The following COL19A1 variants were observed in gnomAD, a reference collection of about 807,000 sequenced individuals.
COL19A1 encodes collagen type XIX alpha 1 chain.
In COL19A1, 159 loss-of-function variants were observed where a neutral mutation model predicts 190.2. The ratio of observed to expected loss-of-function variants is 0.84; its 90% CI spans 0.73 to 0.95. COL19A1 has a LOEUF of 0.95. Ranked by LOEUF, COL19A1 falls within the 40% of genes least tolerant of loss-of-function variation. The pLI, the probability that COL19A1 is intolerant of heterozygous loss-of-function variation, is 0.00. For synonymous variants in COL19A1, 509 were observed against 458.9 expected (o/e 1.11, Z -1.39); for missense variants, 1,418 against 1,431.9 (o/e 0.99, Z 0.16).
At chr6:69,935,783 T>C in intron 7 of COL19A1, among the ~76,000 whole-genome samples, 1 of 152,052 alleles carries the variant, frequency 6.6e-6, no homozygotes, top group East Asian at 1.9e-4. Flanking sequence ...GTTTGTTACA[T>C]AGGTAAACGT....
intron 11 of COL19A1, among the ~76,000 whole-genome samples, chr6:69,987,492 A>C (rs1351704602): frequency 6.6e-6 from 1 of 152,210 alleles, no homozygotes; most frequent in East Asian, 1.9e-4. Context: ...TTTGAAACAA[A>C]TCTCACACTA....
chr6:70,035,410 C>T (rs557547491), intron 13 of COL19A1, among the ~76,000 whole-genome samples: 1 of 152,304 alleles, frequency 6.6e-6, no homozygotes, highest in South Asian at 2.1e-4. Context: ...AAGCCTCTTA[C>T]AGTTGATGGC....
chr6:70,034,752 T>C (rs1779258674), intron 13 of COL19A1, among the ~76,000 whole-genome samples: 1 of 152,222 alleles, frequency 6.6e-6, no homozygotes, highest in Non-Finnish European at 1.5e-5. Context: ...TTGGCAATGA[T>C]CTTGAAAAGG....
chr6:70,132,224 C>A (rs1785569470), intron 18 of COL19A1, among the ~76,000 whole-genome samples: 1 of 152,024 alleles, frequency 6.6e-6, no homozygotes, highest in African/African-American at 2.4e-5. Flanking sequence ...ATAGTGATAC[C>A]CCATCCCTAC....
At chr6:69,936,995 G>A (rs1236600101) in intron 8 of COL19A1, 85 bp downstream of exon 8, 3 of 1,532,088 alleles carry the variant, frequency 2.0e-6, no homozygotes, top group African/African-American at 1.4e-5. Flanking sequence ...TTCACAGAAT[G>A]TGTCTTGCCA....
chr6:69,946,688 C>G (rs1244269365), intron 9 of COL19A1, among the ~76,000 whole-genome samples: 1 of 151,800 alleles, frequency 6.6e-6, no homozygotes, highest in Non-Finnish European at 1.5e-5. Context: ...AAGTAATCTC[C>G]TAATAAGCAT....
chr6:70,194,223 C>A (rs1251040400), intron 48 of COL19A1, among the ~76,000 whole-genome samples: 1 of 152,194 alleles, frequency 6.6e-6, no homozygotes. Flanking sequence ...TTTATCATCC[C>A]AAGTGTCCAG....
At position 70,023,591 on chromosome 6, in the gene COL19A1, A is replaced by G. The variant is rs376070962; in HGVS notation, c.1027-36A>G. On this transcript the variant is annotated intron_variant, in intron 11 of 50. Transcript: ENST00000620364. ...TTTTTGCTAGCAAAGGTTTTCAGATATAAGATTTTTCATTGTATAAATTGT... is the reference window on the plus strand; with the variant it reads ...TTTTTGCTAGCAAAGGTTTTCAGATGTAAGATTTTTCATTGTATAAATTGT... 13 of 1,558,490 alleles carry G rather than the reference A, an allele frequency of 8.3e-6. No individual in the cohort carries two copies. In the African/African-American group the frequency reaches 9.8e-5, roughly 12 times the overall value.
At chr6:69,899,133 C>A in intron 3 of COL19A1, 111 bp downstream of exon 3, 6 of 650,898 alleles carry the variant, frequency 9.2e-6, no homozygotes, top group South Asian at 2.2e-5. Flanking sequence ...AAGATCATAG[C>A]ATTAACGTGA....
intron 48 of COL19A1, among the ~76,000 whole-genome samples, chr6:70,194,432 G>A (rs1375447317): frequency 2.0e-5 from 3 of 152,162 alleles, no homozygotes; most frequent in African/African-American, 4.8e-5. Context: ...CCTAACTGTG[G>A]TGGAAAGAGG....
At chr6:69,923,238 C>T (rs1772116107) in intron 4 of COL19A1, among the ~76,000 whole-genome samples, 1 of 152,130 alleles carries the variant, frequency 6.6e-6, no homozygotes, top group Admixed American at 6.6e-5. Flanking sequence ...CTTTGAATCT[C>T]AGTAAGACTA....
Position 69,911,178 on chromosome 6 carries a change from A to G in COL19A1, c.266+10840A>G, listed in dbSNP as rs116476854. On this transcript the variant is annotated intron_variant, in intron 4 of 50. Transcript: ENST00000620364. Reference sequence around the variant, plus strand: ...ATTTCAATAATAAACTTTGAAATCTATGTCAACCAAGGAAGAATAATTGTG... The same window carrying G: ...ATTTCAATAATAAACTTTGAAATCTGTGTCAACCAAGGAAGAATAATTGTG... Among the ~76,000 whole-genome samples the G allele has an allele frequency of 2.5e-3, 382 of 152,352 alleles. 1 individual carries two copies. The highest frequency in any genetic ancestry group is 8.7e-3 in the African/African-American group (361 of 41,590).
At chr6:69,948,845 T>C (rs1430089259) in intron 9 of COL19A1, among the ~76,000 whole-genome samples, 1 of 151,824 alleles carries the variant, frequency 6.6e-6, no homozygotes, top group African/African-American at 2.4e-5. Context: ...AGGAAAATAC[T>C]GATAATCTAG....
chr6:69,943,918 A>G (rs1773626854), intron 9 of COL19A1, among the ~76,000 whole-genome samples: 3 of 152,138 alleles, frequency 2.0e-5, no homozygotes, highest in Admixed American at 6.6e-5. Context: ...CCTGAGCCAA[A>G]ACCCACTAAT....
At chr6:70,190,592 T>C (rs563656770) in intron 48 of COL19A1, among the ~76,000 whole-genome samples, 1 of 152,374 alleles carries the variant, frequency 6.6e-6, no homozygotes, top group Admixed American at 6.5e-5. Flanking sequence ...TCATTATACC[T>C]GGTCTGTAAA....
chr6:69,971,552 T>G (rs1203309621), intron 11 of COL19A1, among the ~76,000 whole-genome samples: 1 of 152,146 alleles, frequency 6.6e-6, no homozygotes, highest in Non-Finnish European at 1.5e-5. Context: ...ATAAGGTCCT[T>G]GGCAGGAAAT....
Position 70,003,695 on chromosome 6 carries a change from C to T in COL19A1, c.1027-19932C>T, listed in dbSNP as rs956809216. ...CTGTTTTGTCAGACTAGGATTGCAA[C>T]CCTTTCTTTTTGTTGCTTGCCATTT... On this transcript the variant is annotated intron_variant, in intron 11 of 50. Transcript: ENST00000620364. 8.3e-4 allele frequency among the ~76,000 whole-genome samples: 126 copies of T among 151,990 alleles called. 2 individuals are homozygous for T. Among genetic ancestry groups the T allele is most frequent in the Non-Finnish European group, 1.9e-4 (13 of 67,986 alleles).
chr6:70,167,846 T>C (rs1440943652), intron 37 of COL19A1, among the ~76,000 whole-genome samples, 179 bp from the exon 38 acceptor site: 4 of 152,212 alleles, frequency 2.6e-5, no homozygotes, highest in Non-Finnish European at 5.9e-5. Flanking sequence ...GCATTTGCTT[T>C]GGAAAAGCTA....
rs139599884 is a variant in COL19A1 at position 70,207,191 on chromosome 6, C to G, written c.3346C>G (p.Pro1116Ala). 1 of 1,613,686 alleles carries G rather than the reference C, an allele frequency of 6.2e-7. No homozygotes were observed. Among genetic ancestry groups the G allele is most frequent in the Non-Finnish European group, 8.5e-7 (1 of 1,179,782 alleles). The change falls in exon 51 of 51, where the codon CCC becomes GCC. Residue 1116 changes from proline to alanine, a missense_variant. Pro to Ala is a conservative substitution (Grantham distance 27, BLOSUM62 -1). Transcript: ENST00000620364. Reference protein sequence around the residue: ...GSPGAPGPQGPPGPSGRCNPE... With the variant: ...GSPGAPGPQGAPGPSGRCNPE... Reference sequence around the variant, plus strand: ...ACCAGGTGCCCCAGGCCCACAGGGCCCCCCAGGACCCAGTGGAAGATGTAA... The same window carrying G: ...ACCAGGTGCCCCAGGCCCACAGGGCGCCCCAGGACCCAGTGGAAGATGTAA...
Sources: gnomAD v4.1 joint callset for allele counts (sites outside exome capture counted in the v4.1 genomes callset) on GRCh38, gnomAD v4.1.1 for gene constraint, MANE v1.5 for transcripts, NCBI Gene and HGNC (gene_info 2026-07-23, HGNC 2026-07-21) for gene names.